ACSBG2: variants seen among roughly 807,000 people sequenced by gnomAD.
ACSBG2 encodes acyl-CoA synthetase bubblegum family member 2, also known as long-chain-fatty-acid--CoA ligase ACSBG2.
A neutral mutation model predicts 74.7 loss-of-function variants in ACSBG2; 62 were observed. The ratio of observed to expected loss-of-function variants is 0.83; its 90% CI spans 0.68 to 1.03. The LOEUF (loss-of-function observed/expected upper bound fraction) is 1.03. Among genes scored for constraint, ACSBG2 ranks in the 50% least tolerant of loss-of-function variants. The probability of loss-of-function intolerance (pLI) is 0.00; values close to 1 mark genes in which losing one functional copy is unlikely to be tolerated. For missense variants in ACSBG2, 730 were observed against 817.6 expected (o/e 0.89, Z 1.31); for synonymous variants, 309 against 294.1 (o/e 1.05, Z -0.52).
At chr19:6,143,385 AAAAAAC>A (rs200499341) in intron 2 of ACSBG2, among the ~76,000 whole-genome samples, 4,649 of 151,092 alleles carry the variant, frequency 0.031, 213 homozygotes, top group African/African-American at 0.1. Context: ...CTCTGTCTCA[AAAAAAC>A]AAAAACAAAA....
At chr19:6,141,661 C>G (rs773254981) in intron 2 of ACSBG2, 51 bp downstream of exon 2, 1 of 1,211,188 alleles carries the variant, frequency 8.3e-7, no homozygotes, top group Admixed American at 1.7e-5. Context: ...ATTGATTCCA[C>G]AAAGGCTCTT....
intron 13 of ACSBG2, chr19:6,189,695 TTTTCTTTCTTTC>T: frequency 6.7e-6 from 1 of 148,658 alleles, no homozygotes; most frequent in Non-Finnish European, 1.5e-5. Flanking sequence ...TGCGTGGCTA[TTTTCTTTCTTTC>T]TTTCTTTCTT....
chr19:6,165,758 C>T (rs1190462104), intron 6 of ACSBG2, 108 bp from the exon 7 acceptor site: 55 of 1,369,406 alleles, frequency 4.0e-5, no homozygotes, highest in Non-Finnish European at 4.6e-5. Context: ...CTAAGCCCTT[C>T]CACCTGCTGA....
Position 6,155,789 on chromosome 19 carries a change from C to CAAA in ACSBG2, c.387-625_387-623dup, listed in dbSNP as rs35539453. Among the ~76,000 whole-genome samples the CAAA allele has an allele frequency of 1.7e-3, 212 of 123,582 alleles. 5 individuals are homozygous for CAAA. Among genetic ancestry groups the CAAA allele is most frequent in the Non-Finnish European group, 2.1e-3 (124 of 59,034 alleles). The allele number at this position is 123,582 out of a possible 152,430, so 81.1% of individuals were successfully genotyped here. On this transcript the variant is annotated intron_variant, in intron 4 of 14. Coordinates refer to ENST00000588485, the MANE Select transcript of ACSBG2 (RefSeq NM_030924.5). ...TGGGTGACCGAGCTAGACCCTGTCT[C>CAAA]AAAAAAAAAAAAAAAAAAATGGTGA...
intron 3 of ACSBG2, among the ~76,000 whole-genome samples, chr19:6,149,686 T>G (rs868264246): frequency 1.3e-5 from 2 of 152,030 alleles, no homozygotes; most frequent in African/African-American, 4.8e-5. Flanking sequence ...TTTTGTATAT[T>G]TAGTAGAGAC....
At chr19:6,162,283 A>G (rs1357521175) in intron 6 of ACSBG2, among the ~76,000 whole-genome samples, 7 of 148,392 alleles carry the variant, frequency 4.7e-5, no homozygotes, top group Non-Finnish European at 8.9e-5. Context: ...AAAAAAAAAA[A>G]GGCCGGGCGC....
chr19:6,142,801 AG>A (rs1168443977), intron 2 of ACSBG2, among the ~76,000 whole-genome samples: 1 of 152,092 alleles, frequency 6.6e-6, no homozygotes, highest in Admixed American at 6.6e-5. Context: ...GGCAAATAAA[AG>A]TACTTGCATT....
At chr19:6,172,875 A>C (rs1409946708) in intron 7 of ACSBG2, among the ~76,000 whole-genome samples, 1 of 152,098 alleles carries the variant, frequency 6.6e-6, no homozygotes, top group Non-Finnish European at 1.5e-5. Context: ...TCTCAGGGGT[A>C]GGGGCAGGGA....
intron 1 of ACSBG2, among the ~76,000 whole-genome samples, chr19:6,138,705 G>A (rs73544864): frequency 9.0e-5 from 12 of 133,232 alleles, no homozygotes; most frequent in African/African-American, 3.4e-4. Flanking sequence ...GGGGAAGAAC[G>A]AAGGGAGGAA....
chr19:6,190,740 A>G (rs936648201), intron 14 of ACSBG2, 48 bp downstream of exon 14: 1 of 1,261,232 alleles, frequency 7.9e-7, no homozygotes, highest in Non-Finnish European at 1.2e-6. Context: ...TCAGAGTCCA[A>G]GAGAGGGCTC....
intron 7 of ACSBG2, among the ~76,000 whole-genome samples, chr19:6,167,236 A>C (rs898172565): frequency 2.6e-5 from 4 of 152,224 alleles, no homozygotes; most frequent in Admixed American, 6.5e-5. Context: ...CAGTGTTGGA[A>C]TCCTGGCTTT....
intron 1 of ACSBG2, among the ~76,000 whole-genome samples, chr19:6,138,194 A>C (rs2088654064): frequency 6.6e-6 from 1 of 152,150 alleles, no homozygotes; most frequent in Non-Finnish European, 1.5e-5. Context: ...CAAAGCAATT[A>C]TCATACTTTA....
At chr19:6,140,831 T>C (rs2088799169) in intron 1 of ACSBG2, among the ~76,000 whole-genome samples, 1 of 152,226 alleles carries the variant, frequency 6.6e-6, no homozygotes, top group African/African-American at 2.4e-5. Flanking sequence ...AGGTGAAAAC[T>C]GCATCATATT....
At chr19:6,136,528 A>G (rs996120485) in intron 1 of ACSBG2, among the ~76,000 whole-genome samples, 1 of 151,278 alleles carries the variant, frequency 6.6e-6, no homozygotes, top group Non-Finnish European at 1.5e-5. Flanking sequence ...ATGCCCAGCT[A>G]ATTTTTGTAT....
chr19:6,142,721 C>A lies in ACSBG2; in HGVS notation c.67+1111C>A, dbSNP rs542086227. ...TGAGCCGAGATCATGCCACTGCACT[C>A]CAGCCTGGGTGACAGAGCGAGACTC... On this transcript the variant is annotated intron_variant, in intron 2 of 14. Transcript: ENST00000588485. 1.7e-3 allele frequency among the ~76,000 whole-genome samples: 242 copies of A among 143,636 alleles called. 2 individuals are homozygous for A. Among genetic ancestry groups the A allele is most frequent in the African/African-American group, 5.8e-3 (230 of 39,318 alleles). The allele number at this position is 143,636 out of a possible 152,430, so 94.2% of individuals were successfully genotyped here. A position where few individuals can be genotyped will look rare whatever the true frequency, so the allele number is the denominator to read the frequency against.
intron 12 of ACSBG2, 38 bp from the exon 13 acceptor site, chr19:6,187,560 TC>T (rs756998478): frequency 4.3e-6 from 7 of 1,612,176 alleles, no homozygotes; most frequent in Non-Finnish European, 5.1e-6. Flanking sequence ...GGGGTGCTGG[TC>T]AAGGAGCATG....
intron 4 of ACSBG2, among the ~76,000 whole-genome samples, chr19:6,154,900 T>A (rs1186271740): frequency 6.6e-6 from 1 of 152,160 alleles, no homozygotes; most frequent in Non-Finnish European, 1.5e-5. Flanking sequence ...TGGTGCCACA[T>A]CAGACCCAAA....
At chr19:6,185,360 G>A in intron 10 of ACSBG2, 76 bp from the exon 11 acceptor site, 1 of 1,475,062 alleles carries the variant, frequency 6.8e-7, no homozygotes, top group Non-Finnish European at 9.4e-7. Flanking sequence ...TAGGCACCTA[G>A]GCTGAAGATC....
intron 6 of ACSBG2, among the ~76,000 whole-genome samples, chr19:6,161,970 C>A (rs1317647868): frequency 6.6e-6 from 1 of 152,056 alleles, no homozygotes; most frequent in Non-Finnish European, 1.5e-5. Flanking sequence ...AAACTAACAA[C>A]ATTAAGTTTA....
Sources: gnomAD v4.1 joint callset for allele counts (sites outside exome capture counted in the v4.1 genomes callset) on GRCh38, gnomAD v4.1.1 for gene constraint, MANE v1.5 for transcripts, NCBI Gene and HGNC (gene_info 2026-07-23, HGNC 2026-07-21) for gene names.